The following RNF135 variants were observed in gnomAD, a reference collection of about 807,000 sequenced individuals.
The protein encoded by RNF135 is E3 ubiquitin-protein ligase RNF135.
Under a neutral mutation model 41.9 loss-of-function variants are expected in RNF135, and 46 were observed. The observed-to-expected ratio is 1.10, with a 90% CI of 0.87 to 1.40. RNF135 has a LOEUF of 1.40. Among genes scored for constraint, RNF135 ranks in the 40% most tolerant of loss-of-function variants. The probability of loss-of-function intolerance (pLI) is 0.00; values close to 1 mark genes in which losing one functional copy is unlikely to be tolerated. For synonymous variants in RNF135, 238 were observed against 223.8 expected (o/e 1.06, Z -0.57); for missense variants, 539 against 549.8 (o/e 0.98, Z 0.20).
At chr17:30,987,903 G>T in intron 2 of RNF135, 41 bp from the exon 3 acceptor site, 1 of 1,546,238 alleles carries the variant, frequency 6.5e-7, no homozygotes, top group South Asian at 1.1e-5. Flanking sequence ...AGACTGCATA[G>T]GGGACTTCCA....
the RNF135 span, among the ~76,000 whole-genome samples, chr17:30,961,313 G>A: frequency 1.3e-5 from 2 of 152,150 alleles, no homozygotes; most frequent in African/African-American, 4.8e-5. Flanking sequence ...CAGCAATCAT[G>A]CTGACCATTC....
At chr17:30,971,984 G>A (rs898420105) in intron 1 of RNF135, 1 of 153,258 alleles carries the variant, frequency 6.5e-6, no homozygotes, top group African/African-American at 2.4e-5. Context: ...TAGAGACGGG[G>A]TTTCGACATG....
rs528210827 is a variant in RNF135 at position 30,997,385 on chromosome 17, C to T, written c.769+54C>T. The T allele has an allele frequency of 8.9e-5, 127 of 1,434,880 alleles. 2 individuals carry two copies. In the Middle Eastern group the frequency reaches 1.4e-3, roughly 16 times the overall value. The allele number at this position is 1,434,880 out of a possible 1,614,324, so 88.9% of individuals were successfully genotyped here. A position where few individuals can be genotyped will look rare whatever the true frequency, so the allele number is the denominator to read the frequency against. Reference sequence around the variant, plus strand: ...GTTTGGCTTGCCGCAGAGCGGGCTTCGAGAATATCCTACATCCATCTCCCT... The same window carrying T: ...GTTTGGCTTGCCGCAGAGCGGGCTTTGAGAATATCCTACATCCATCTCCCT... On this transcript the variant is annotated intron_variant, in intron 4 of 4. Coordinates refer to ENST00000328381, the MANE Select transcript of RNF135 (RefSeq NM_032322.4).
chr17:30,971,248 T>A lies in RNF135; in HGVS notation c.175T>A (p.Cys59Ser). The change falls in exon 1 of 5, where the codon TGC (cysteine) becomes AGC (serine). Residue 59 changes from cysteine to serine, a missense_variant. By Grantham distance (112) the Cys-to-Ser change is moderately radical. Coordinates refer to ENST00000328381, the MANE Select transcript of RNF135 (RefSeq NM_032322.4). ...CGCCCGCGACGCCCGCCGCTGGGCC[T>A]GCCCCACTTGCCGCCAGGGCGCCGC... ...WGARDARRWA[C>S]PTCRQGAAQQ... 1.3e-6 allele frequency: 2 copies of A among 1,521,208 alleles called. No individual in the cohort carries two copies. The highest frequency in any genetic ancestry group is 1.8e-6 in the Non-Finnish European group (2 of 1,139,866). 94.2% of individuals were successfully genotyped at this position (1,521,208 alleles called of 1,614,324 possible). A position where few individuals can be genotyped will look rare whatever the true frequency, so the allele number is the denominator to read the frequency against.
At chr17:30,992,133 T>C (rs1408570916) in intron 3 of RNF135, among the ~76,000 whole-genome samples, 1 of 152,056 alleles carries the variant, frequency 6.6e-6, no homozygotes, top group East Asian at 1.9e-4. Context: ...GGTTTCCCCA[T>C]GTTGGTCAGG....
At position 30,971,052 on chromosome 17, in the gene RNF135, G is replaced by A; in HGVS notation, c.-22G>A. On this transcript the variant is annotated 5_prime_UTR_variant, in exon 1 of 5. Coordinates refer to ENST00000328381, the MANE Select transcript of RNF135 (RefSeq NM_032322.4). ...CTCGCCCGGCTCAACCCCGACGTCC[G>A]CGCCCCGGCCGCCTGTTGGCCATGG... 1 of 1,529,550 alleles carries A rather than the reference G, an allele frequency of 6.5e-7. No homozygotes were observed. The highest frequency in any genetic ancestry group is 8.7e-7 in the Non-Finnish European group (1 of 1,145,660). The allele number at this position is 1,529,550 out of a possible 1,614,324, so 94.7% of individuals were successfully genotyped here. A position where few individuals can be genotyped will look rare whatever the true frequency, so the allele number is the denominator to read the frequency against.
the RNF135 span, among the ~76,000 whole-genome samples, chr17:30,965,830 C>G: frequency 4.4e-3 from 670 of 150,982 alleles, 4 homozygotes; most frequent in African/African-American, 0.016. Context: ...TGTGGAAAAT[C>G]GTCCTCATGA....
intron 3 of RNF135, among the ~76,000 whole-genome samples, chr17:30,992,344 AGG>A (rs1274279421): frequency 6.6e-6 from 1 of 151,118 alleles, no homozygotes; most frequent in Admixed American, 6.6e-5. Flanking sequence ...CTGGGATTAC[AGG>A]TGTGAACCAC....
chr17:30,990,905 A>G (rs1907938946), intron 3 of RNF135, among the ~76,000 whole-genome samples: 2 of 152,354 alleles, frequency 1.3e-5, no homozygotes, highest in South Asian at 4.1e-4. Context: ...CATCCTCTGC[A>G]GATGAATACG....
intron 3 of RNF135, among the ~76,000 whole-genome samples, chr17:30,991,503 G>A (rs544111811): frequency 2.0e-5 from 3 of 148,836 alleles, no homozygotes; most frequent in South Asian, 4.2e-4. Flanking sequence ...TGCAATCTCC[G>A]TCTCCCAGGT....
chr17:30,997,356 A>G lies in RNF135; in HGVS notation c.769+25A>G, dbSNP rs899986588. 13 of 1,600,670 alleles carry G rather than the reference A, an allele frequency of 8.1e-6. No individual in the cohort carries two copies. In the East Asian group the frequency reaches 2.2e-4, roughly 27 times the overall value. On this transcript the variant is annotated intron_variant, in intron 4 of 4. Transcript: ENST00000328381. ...TGTAAGTATGTGGTCCACTTTAAAC[A>G]TGGGTTTGGCTTGCCGCAGAGCGGG...
At chr17:30,997,372 G>A (rs112939477) in intron 4 of RNF135, 41 bp downstream of exon 4, 245 of 1,537,322 alleles carry the variant, frequency 1.6e-4, no homozygotes, top group Middle Eastern at 6.8e-4. Context: ...TTGGCTTGCC[G>A]CAGAGCGGGC....
upstream of RNF135, among the ~76,000 whole-genome samples, chr17:30,967,627 A>G (rs964164433): frequency 1.6e-4 from 25 of 152,038 alleles, 1 homozygote; most frequent in African/African-American, 6.0e-4. Flanking sequence ...CATGAAATAT[A>G]TTGCTTTGGA....
chr17:30,998,754 C>T lies in RNF135; in HGVS notation c.862C>T (p.Gln288Ter). Reference protein sequence around the residue: ...SRTVTVSHRPQPYRWSCERFS... With the variant: ...SRTVTVSHRP Reference sequence around the variant, plus strand: ...TACAGTGACTGTGTCTCACCGCCCACAACCCTATCGCTGGAGCTGTGAGAG... The same window carrying T: ...TACAGTGACTGTGTCTCACCGCCCATAACCCTATCGCTGGAGCTGTGAGAG... The change falls in exon 5 of 5, where the codon CAA (glutamine) becomes TAA (stop). Residue 288 changes from glutamine (Q) to a stop codon, truncating the protein, a stop_gained. Transcript: ENST00000328381. LOFTEE classifies it high-confidence loss of function. The T allele has an allele frequency of 6.2e-7, 1 of 1,613,490 alleles. No individual in the cohort carries two copies. Among genetic ancestry groups the T allele is most frequent in the Non-Finnish European group, 8.5e-7 (1 of 1,179,814 alleles).
intron 1 of RNF135, among the ~76,000 whole-genome samples, chr17:30,982,644 T>G (rs1907239022): frequency 6.6e-6 from 1 of 152,166 alleles, no homozygotes; most frequent in Non-Finnish European, 1.5e-5. Flanking sequence ...GGTGTTCTTG[T>G]GGGAGGGATG....
In RNF135 at chr17:30,998,740, T is replaced by C. The variant is rs1567751195; in HGVS notation, c.848T>C (p.Val283Ala). Residue 283 changes from valine to alanine, a missense_variant, in exon 5 of 5, where the codon GTG becomes GCG. Transcript: ENST00000328381. Reference protein sequence around the residue: ...EVSKDSRTVTVSHRPQPYRWS... With the variant: ...EVSKDSRTVTASHRPQPYRWS... ...TCCAAGGATTCCCGTACAGTGACTG[T>C]GTCTCACCGCCCACAACCCTATCGC... 6.2e-7 allele frequency: 1 copy of C among 1,613,504 alleles called. No homozygotes were observed.
At chr17:30,997,160 G>A (rs1158180489) in intron 3 of RNF135, 82 bp from the exon 4 acceptor site, 6 of 1,057,724 alleles carry the variant, frequency 5.7e-6, no homozygotes, top group Admixed American at 1.7e-5. Flanking sequence ...AGCCAGCCAT[G>A]TGCCTTGACC....
At position 30,971,282 on chromosome 17, in the gene RNF135, C is replaced by A. The variant is rs766851565; in HGVS notation, c.209C>A (p.Pro70Gln). Residue 70 changes from proline to glutamine, a missense_variant, in exon 1 of 5, where the codon CCG becomes CAG. Around this residue, in one of 2 missense-constraint regions of RNF135, gnomAD observed 277 missense variants for 212.8 expected, o/e 1.30. Coordinates refer to ENST00000328381, the MANE Select transcript of RNF135 (RefSeq NM_032322.4). ...PTCRQGAAQQPHLRKNTLLQD... is the reference protein window; with the variant it reads ...PTCRQGAAQQQHLRKNTLLQD... The stretch of plus-strand genomic sequence containing the variant: ...TGCCGCCAGGGCGCCGCGCAGCAGC[C>A]GCACCTGCGGAAGAACACGCTACTG... 14 of 1,526,808 alleles carry A rather than the reference C, an allele frequency of 9.2e-6. No individual in the cohort carries two copies. The highest frequency in any genetic ancestry group is 4.8e-5 in the South Asian group (4 of 82,512). The allele number at this position is 1,526,808 out of a possible 1,614,324, so 94.6% of individuals were successfully genotyped here.
the RNF135 span, among the ~76,000 whole-genome samples, chr17:30,964,263 C>A: frequency 2.6e-5 from 4 of 151,950 alleles, no homozygotes; most frequent in Non-Finnish European, 4.4e-5. Context: ...GTGGTATGCA[C>A]CTGTAATCCC....
Sources: allele counts gnomAD v4.1 joint callset (sites outside exome capture counted in the v4.1 genomes callset), GRCh38; gene constraint gnomAD v4.1.1; regional missense constraint gnomAD v4.1.1; transcripts MANE v1.5; gene names NCBI Gene and HGNC (gene_info 2026-07-23, HGNC 2026-07-21).